DACH2: variants seen among roughly 807,000 people sequenced by gnomAD.
DACH2 encodes dachshund family transcription factor 2.
Under a neutral mutation model 35.8 loss-of-function variants are expected in DACH2, and 17 were observed. That is an observed-to-expected ratio of 0.48 (90% confidence interval 0.33 to 0.71). The LOEUF (loss-of-function observed/expected upper bound fraction) is 0.71, where lower values mean the gene tolerates loss of function less well. Ranked by LOEUF, DACH2 falls within the 30% of genes least tolerant of loss-of-function variation. DACH2 has a pLI of 0.02. For synonymous variants in DACH2, 195 were observed against 177.3 expected, an observed-to-expected ratio of 1.10 and a Z score of -0.79; for missense variants, 469 against 472.7, an observed-to-expected ratio of 0.99 and a Z score of 0.07.
At chrX:86,465,343 C>A (rs928807804) in intron 2 of DACH2, among the ~76,000 whole-genome samples, 8 of 111,909 alleles carry the variant, frequency 7.1e-5, no homozygotes, top group Non-Finnish European at 1.5e-4. Context: ...TTGAAAGGAG[C>A]CTGATGTGCC....
rs1331078816 is a variant in DACH2 at position 86,739,782 on chromosome X, T to G, written c.1140T>G (p.Ser380=). The change falls in exon 7 of 12, where the codon TCT becomes TCG. Residue 380 remains serine (S), a synonymous_variant. Coordinates refer to ENST00000373125, the MANE Select transcript of DACH2 (RefSeq NM_053281.3). ...RIPESPSPAP[S]LEENHRPGSQ... ...CAGAGAGTCCTTCTCCTGCTCCTTCTCTAGAAGAGAATCATCGTCCTGGGA... is the reference window on the plus strand; with the variant it reads ...CAGAGAGTCCTTCTCCTGCTCCTTCGCTAGAAGAGAATCATCGTCCTGGGA... The G allele has an allele frequency of 8.4e-7, 1 of 1,188,326 alleles. No homozygotes were observed. The highest frequency in any genetic ancestry group is 1.8e-5 in the South Asian group (1 of 54,080).
At chrX:86,336,597 A>T (rs1378647604) in intron 1 of DACH2, among the ~76,000 whole-genome samples, 1 of 111,904 alleles carries the variant, frequency 8.9e-6, no homozygotes, top group African/African-American at 3.2e-5. Context: ...CCAAATGTAG[A>T]TAAATCCATG....
intron 1 of DACH2, among the ~76,000 whole-genome samples, chrX:86,318,752 G>T (rs113949801): frequency 9.0e-6 from 1 of 111,544 alleles, no homozygotes; most frequent in Non-Finnish European, 1.9e-5. Flanking sequence ...GCACCCAAAA[G>T]CTAGGGATCA....
chrX:86,327,151 A>G (rs1161577889), intron 1 of DACH2, among the ~76,000 whole-genome samples: 1 of 112,290 alleles, frequency 8.9e-6, no homozygotes, highest in East Asian at 2.8e-4. Context: ...GATATAAACT[A>G]AATAAGATAT....
chrX:86,575,074 T>C (rs7890724), intron 3 of DACH2, among the ~76,000 whole-genome samples: 15,893 of 110,587 alleles, frequency 0.14, 1,026 homozygotes, highest in East Asian at 0.24. Context: ...AGAAATTTCT[T>C]CTTTAAGTGA....
chrX:86,386,605 A>G (rs1482498153), intron 2 of DACH2, among the ~76,000 whole-genome samples: 3 of 111,352 alleles, frequency 2.7e-5, no homozygotes, highest in Non-Finnish European at 5.7e-5. Context: ...TGTTTATTTT[A>G]TACTTTGGGT....
intron 6 of DACH2, among the ~76,000 whole-genome samples, chrX:86,719,121 A>G (rs767000494): frequency 4.5e-5 from 5 of 111,806 alleles, no homozygotes; most frequent in Non-Finnish European, 9.4e-5. Flanking sequence ...ATATTTTTCC[A>G]TTTGTTTTTG....
chrX:86,751,786 T>A (rs1443541360), intron 7 of DACH2, among the ~76,000 whole-genome samples: 2 of 111,408 alleles, frequency 1.8e-5, no homozygotes, highest in Non-Finnish European at 3.8e-5. Flanking sequence ...ACACATGCAG[T>A]CATATGTTTA....
chrX:86,661,277 C>T (rs1048815903), intron 4 of DACH2, among the ~76,000 whole-genome samples: 11 of 111,902 alleles, frequency 9.8e-5, no homozygotes, highest in African/African-American at 3.6e-4. Flanking sequence ...TATCAAATTC[C>T]AGAAATATTT....
At chrX:86,754,478 T>G (rs1028758087) in intron 7 of DACH2, among the ~76,000 whole-genome samples, 16 of 111,544 alleles carry the variant, frequency 1.4e-4, no homozygotes, top group African/African-American at 5.2e-4. Context: ...CTGTTTTTAT[T>G]ATATATTTGC....
intron 4 of DACH2, among the ~76,000 whole-genome samples, chrX:86,657,105 T>C (rs1433989348): frequency 1.9e-5 from 2 of 105,050 alleles, no homozygotes; most frequent in Non-Finnish European, 3.9e-5. Flanking sequence ...GGGGGTGAGG[T>C]GAGGAGGTGA....
At chrX:86,578,243 C>T (rs1410043715) in intron 3 of DACH2, among the ~76,000 whole-genome samples, 2 of 110,849 alleles carry the variant, frequency 1.8e-5, no homozygotes, top group Non-Finnish European at 3.8e-5. Flanking sequence ...TTGCTTTCTT[C>T]TTGTTGGAGA....
chrX:86,635,705 T>C (rs978605383), intron 3 of DACH2, among the ~76,000 whole-genome samples: 3 of 111,427 alleles, frequency 2.7e-5, no homozygotes, highest in Non-Finnish European at 5.6e-5. Context: ...AATCAATGCA[T>C]AAAAATTACT....
chrX:86,541,864 C>T (rs778223250), intron 3 of DACH2, among the ~76,000 whole-genome samples: 1 of 111,253 alleles, frequency 9.0e-6, no homozygotes, highest in African/African-American at 3.3e-5. Context: ...ATGTTTTTCA[C>T]GAGATTTCAT....
At chrX:86,822,482 A>T (rs1400292597) in intron 11 of DACH2, among the ~76,000 whole-genome samples, 1 of 112,189 alleles carries the variant, frequency 8.9e-6, no homozygotes, top group Non-Finnish European at 1.9e-5. Flanking sequence ...CTGTTTTGTA[A>T]GTATGAAAAT....
At chrX:86,325,104 T>A (rs867291782) in intron 1 of DACH2, among the ~76,000 whole-genome samples, 3 of 104,232 alleles carry the variant, frequency 2.9e-5, no homozygotes, top group Admixed American at 2.1e-4. Flanking sequence ...AGAAAAAAAA[T>A]TGTGACTTGG....
At chrX:86,184,208 T>C in intron 1 of DACH2, 1 of 170,885 alleles carries the variant, frequency 5.9e-6, no homozygotes, top group Non-Finnish European at 1.1e-5. Context: ...TTTCTAGTCT[T>C]CTGATTTTTT....
chrX:86,484,889 C>T (rs1294112995), intron 2 of DACH2, among the ~76,000 whole-genome samples: 1 of 111,803 alleles, frequency 8.9e-6, no homozygotes, highest in East Asian at 2.8e-4. Context: ...ATGACAACTG[C>T]AGATGAAATT....
chrX:86,488,900 C>T (rs942373983), intron 2 of DACH2, among the ~76,000 whole-genome samples: 7 of 110,889 alleles, frequency 6.3e-5, no homozygotes, highest in Non-Finnish European at 1.3e-4. Flanking sequence ...AGTAAGTATT[C>T]GCTAACCACG....
Sources: gnomAD v4.1 joint callset for allele counts (sites outside exome capture counted in the v4.1 genomes callset) on GRCh38, gnomAD v4.1.1 for gene constraint, MANE v1.5 for transcripts, NCBI Gene and HGNC (gene_info 2026-07-23, HGNC 2026-07-21) for gene names.